Variants in CSMD1 observed in about 807,000 individuals in gnomAD.
CSMD1 encodes the protein CUB and sushi domain-containing protein 1.
Under a neutral mutation model 417.5 loss-of-function variants are expected in CSMD1, and 213 were observed. The observed-to-expected ratio is 0.51, with a 90% CI of 0.46 to 0.57. CSMD1 has a LOEUF of 0.57. CSMD1 is among the 20% of genes least tolerant of loss of function. The pLI is 0.00. For missense variants in CSMD1, 6,923 were observed against 4,529.7 expected (o/e 1.53, Z -15.17); for synonymous variants, 2,862 against 1,736.8 (o/e 1.65, Z -16.11).
intron 1 of CSMD1, among the ~76,000 whole-genome samples, chr8:4,955,936 G>C (rs991252032): frequency 1.3e-5 from 2 of 152,188 alleles, no homozygotes; most frequent in Non-Finnish European, 2.9e-5. Flanking sequence ...AGGCGATTCA[G>C]ATGAATGGCT....
At chr8:3,282,799 C>G (rs556524596) in intron 26 of CSMD1, among the ~76,000 whole-genome samples, 1 of 152,130 alleles carries the variant, frequency 6.6e-6, no homozygotes, top group East Asian at 1.9e-4. Flanking sequence ...TATTAGCAAC[C>G]TTTTAAAGCA....
rs752387785 is a variant in CSMD1, at chr8:3,468,120, G to T, written c.1561+592C>A. Among the ~76,000 whole-genome samples, 5 of 152,102 alleles carry T rather than the reference G, an allele frequency of 3.3e-5. No homozygotes were observed. In the East Asian group the frequency reaches 9.6e-4, roughly 29 times the overall value. On this transcript the variant is annotated intron_variant, in intron 12 of 69. Transcript: ENST00000635120. Reference sequence around the variant, plus strand: ...CAATCAGAAATACTGAAATAAACTTGCTAATCCATTTAAAAGTAATCAATA... The same window carrying T: ...CAATCAGAAATACTGAAATAAACTTTCTAATCCATTTAAAAGTAATCAATA...
rs766590211 is a variant in CSMD1 at position 4,145,765 on chromosome 8, G to T, written c.416-113666C>A. 2.6e-5 allele frequency among the ~76,000 whole-genome samples: 4 copies of T among 151,100 alleles called. 1 individual carries two copies. The highest frequency in any genetic ancestry group is 4.9e-5 in the African/African-American group (2 of 40,420). On this transcript the variant is annotated intron_variant, in intron 3 of 69. Coordinates refer to ENST00000635120, the MANE Select transcript of CSMD1 (RefSeq NM_033225.6). ...CAAAGTCAACACTGATTCCCTGCAG[G>T]TTCTGCGTCAGCTCGCACCATGAAG...
chr8:4,077,149 C>T (rs2247829), intron 3 of CSMD1, among the ~76,000 whole-genome samples: 18,959 of 151,164 alleles, frequency 0.13, 1,324 homozygotes, highest in Middle Eastern at 0.19. Flanking sequence ...AGTTAAATGA[C>T]GCATCCAACT....
chr8:4,189,393 C>T (rs1000734897), intron 3 of CSMD1, among the ~76,000 whole-genome samples: 1 of 152,120 alleles, frequency 6.6e-6, no homozygotes, highest in African/African-American at 2.4e-5. Context: ...TCTAACTCTA[C>T]CTAAAAGTTT....
intron 2 of CSMD1, among the ~76,000 whole-genome samples, chr8:4,582,933 G>A (rs898529237): frequency 1.3e-5 from 2 of 152,220 alleles, no homozygotes; most frequent in African/African-American, 4.8e-5. Flanking sequence ...CAGCTGGCCG[G>A]CCCTGCCGGC....
In CSMD1 at chr8:4,812,190, G is replaced by C. The variant is rs370280823; in HGVS notation, c.86-174632C>G. Among the ~76,000 whole-genome samples, 4 of 152,304 alleles carry C rather than the reference G, an allele frequency of 2.6e-5. No individual in the cohort carries two copies. In the East Asian group the frequency reaches 7.7e-4, roughly 29 times the overall value. On this transcript the variant is annotated intron_variant, in intron 1 of 69. Transcript: ENST00000635120. The stretch of plus-strand genomic sequence containing the variant: ...CGTGTGCAGCGAGATAAACACAGCT[G>C]TCTGTTCACTGCCTTGCCTACGTCT...
chr8:3,014,046 T>G (rs1451616908), intron 52 of CSMD1, among the ~76,000 whole-genome samples: 2 of 152,186 alleles, frequency 1.3e-5, no homozygotes, highest in South Asian at 2.1e-4. Flanking sequence ...ATTGCAATTA[T>G]TTTATTTCTA....
chr8:4,165,305 C>T (rs934411639), intron 3 of CSMD1, among the ~76,000 whole-genome samples: 2 of 152,216 alleles, frequency 1.3e-5, no homozygotes, highest in African/African-American at 2.4e-5. Context: ...GTTCTGTGTG[C>T]CGGGTATCTC....
At chr8:3,129,801 C>T (rs62490177) in intron 41 of CSMD1, among the ~76,000 whole-genome samples, 4 of 152,012 alleles carry the variant, frequency 2.6e-5, no homozygotes, top group Non-Finnish European at 5.9e-5. Flanking sequence ...CCAGCCTGCC[C>T]AAGATGGTGA....
chr8:3,091,954 T>C (rs1032412940), intron 47 of CSMD1, among the ~76,000 whole-genome samples: 1 of 152,192 alleles, frequency 6.6e-6, no homozygotes, highest in African/African-American at 2.4e-5. Context: ...GTAATATGTA[T>C]TGTTGTTAGT....
chr8:3,307,874 C>CTATTTAGCTACTTTT (rs1805004521), intron 24 of CSMD1, 53 bp from the exon 25 acceptor site: 2 of 1,577,852 alleles, frequency 1.3e-6, no homozygotes, highest in African/African-American at 1.4e-5. Context: ...TCACATGTTT[C>CTATTTAGCTACTTTT]TATTTAGCTA....
chr8:3,592,958 G>A (rs1434576555), intron 8 of CSMD1, among the ~76,000 whole-genome samples: 2 of 152,194 alleles, frequency 1.3e-5, no homozygotes, highest in East Asian at 1.9e-4. Context: ...AAAGGTGGTG[G>A]CCTGGCCCTC....
At chr8:4,129,356 C>T (rs985420677) in intron 3 of CSMD1, among the ~76,000 whole-genome samples, 1 of 152,124 alleles carries the variant, frequency 6.6e-6, no homozygotes, top group Non-Finnish European at 1.5e-5. Flanking sequence ...TTCTTGAATG[C>T]ATTCCCAGTT....
chr8:3,124,085 T>C (rs563429470), intron 41 of CSMD1, among the ~76,000 whole-genome samples: 30 of 152,226 alleles, frequency 2.0e-4, no homozygotes, highest in African/African-American at 6.5e-4. Flanking sequence ...CTGAAAAAAA[T>C]TGTTGTTGTT....
intron 3 of CSMD1, among the ~76,000 whole-genome samples, chr8:4,377,332 G>C (rs796930157): frequency 2.6e-5 from 4 of 152,096 alleles, no homozygotes; most frequent in African/African-American, 7.2e-5. Context: ...GGTCGGGGGA[G>C]GCTTAGAGCT....
At chr8:4,213,355 C>A (rs1190688271) in intron 3 of CSMD1, among the ~76,000 whole-genome samples, 3 of 151,964 alleles carry the variant, frequency 2.0e-5, no homozygotes, top group African/African-American at 7.3e-5. Context: ...AAGGGCCGTG[C>A]ACAAAAAAAG....
At chr8:4,684,432 T>C (rs1036005702) in intron 1 of CSMD1, among the ~76,000 whole-genome samples, 6 of 152,206 alleles carry the variant, frequency 3.9e-5, no homozygotes, top group Admixed American at 6.5e-5. Flanking sequence ...ATCTTGCTTT[T>C]TGAAATGGAT....
intron 49 of CSMD1, among the ~76,000 whole-genome samples, chr8:3,071,561 A>G (rs538388573): frequency 2.0e-5 from 3 of 152,346 alleles, no homozygotes; most frequent in Non-Finnish European, 2.9e-5. Context: ...TTTTAAAAAT[A>G]GAAACTCAAG....
Sources: gnomAD v4.1 joint callset for allele counts (sites outside exome capture counted in the v4.1 genomes callset) on GRCh38, gnomAD v4.1.1 for gene constraint, MANE v1.5 for transcripts, NCBI Gene and HGNC (gene_info 2026-07-23, HGNC 2026-07-21) for gene names.